PLPPR5: variants seen among roughly 807,000 people sequenced by gnomAD.
The protein encoded by PLPPR5 is phospholipid phosphatase-related protein type 5.
In PLPPR5, 16 loss-of-function variants were observed where a neutral mutation model predicts 33.9. The observed-to-expected ratio is 0.47, with a 90% CI of 0.32 to 0.72. The LOEUF (loss-of-function observed/expected upper bound fraction) is 0.72. Among genes scored for constraint, PLPPR5 ranks in the 30% least tolerant of loss-of-function variants. The pLI, the probability that PLPPR5 is intolerant of heterozygous loss-of-function variation, is 0.03. For missense variants in PLPPR5, 301 were observed against 406.7 expected, an observed-to-expected ratio of 0.74 and a Z score of 2.23; for synonymous variants, 163 against 150.3, an observed-to-expected ratio of 1.08 and a Z score of -0.62.
At position 98,891,891 on chromosome 1, in the gene PLPPR5, G is replaced by A. The variant is rs1648289779; in HGVS notation, c.*1181C>T. 1 of 151,998 alleles carries A rather than the reference G, an allele frequency of 6.6e-6. No individual in the cohort carries two copies. Among genetic ancestry groups the A allele is most frequent in the Non-Finnish European group, 1.5e-5 (1 of 68,000 alleles). 9.4% of individuals were successfully genotyped at this position (151,998 alleles called of 1,614,324 possible). On this transcript the variant is annotated 3_prime_UTR_variant, in exon 6 of 6. Transcript: ENST00000263177. ...TGTGCTATATTAGAAAGGAATATGA[G>A]TTCAGGGCCAGAAAACTTGAATTTA...
rs780823599 is a variant in PLPPR5, at chr1:98,956,669, T to C, written c.310A>G (p.Ile104Val). The C allele has an allele frequency of 6.2e-6, 10 of 1,602,476 alleles. No homozygotes were observed. The highest frequency in any genetic ancestry group is 5.7e-5 in the South Asian group (5 of 88,366). The change falls in exon 2 of 6, where the codon ATT becomes GTT. Residue 104 changes from isoleucine (I) to valine (V), a missense_variant. Ile to Val is a conservative substitution (Grantham distance 29). Coordinates refer to ENST00000263177, the MANE Select transcript of PLPPR5 (RefSeq NM_001037317.2). Reference sequence around the variant, plus strand: ...ATATAGCAACAGTCTCCAGTTAAAATAGTTTTTTCCTGGTTTTCAAAATCC... The same window carrying C: ...ATATAGCAACAGTCTCCAGTTAAAACAGTTTTTTCCTGGTTTTCAAAATCC... The part of the protein sequence containing the change: ...TRDFENQEKT[I>V]LTGDCCYINP...
intron 1 of PLPPR5, among the ~76,000 whole-genome samples, chr1:98,965,845 C>G (rs1480523711): frequency 6.6e-6 from 1 of 152,108 alleles, no homozygotes; most frequent in African/African-American, 2.4e-5. Flanking sequence ...ACAAGAAAAC[C>G]ATTTCAGATG....
chr1:98,971,400 AG>A (rs1222004560), intron 1 of PLPPR5, among the ~76,000 whole-genome samples: 5 of 152,020 alleles, frequency 3.3e-5, no homozygotes, highest in Non-Finnish European at 5.9e-5. Context: ...ATAAATGTTA[AG>A]GAAAAAAAAA....
Position 98,890,392 on chromosome 1 carries a change from G to C in PLPPR5, c.*2680C>G, listed in dbSNP as rs1269393999. On this transcript the variant is annotated 3_prime_UTR_variant, in exon 6 of 6. Coordinates refer to ENST00000263177, the MANE Select transcript of PLPPR5 (RefSeq NM_001037317.2). The stretch of plus-strand genomic sequence containing the variant: ...GGCTAGGATAGATCCTGAGAAAAGA[G>C]AGGCCCAGTTAGAAGTGGAAAATAC... The C allele has an allele frequency of 6.6e-6, 1 of 152,502 alleles. No individual in the cohort carries two copies. Among genetic ancestry groups the C allele is most frequent in the Non-Finnish European group, 1.5e-5 (1 of 67,992 alleles). 9.4% of individuals were successfully genotyped at this position (152,502 alleles called of 1,614,324 possible).
intron 3 of PLPPR5, among the ~76,000 whole-genome samples, chr1:98,922,749 G>A (rs1322697852): frequency 1.3e-5 from 2 of 152,144 alleles, no homozygotes; most frequent in African/African-American, 2.4e-5. Context: ...ACTTTGGGAG[G>A]CCGAGGCGGG....
At chr1:98,956,564 A>G in intron 2 of PLPPR5, 45 bp downstream of exon 2, 1 of 1,507,284 alleles carries the variant, frequency 6.6e-7, no homozygotes, top group South Asian at 1.3e-5. Flanking sequence ...GCTTACACAT[A>G]GACACTGTTT....
At chr1:98,914,751 A>T in intron 5 of PLPPR5, 35 bp downstream of exon 5, 2 of 1,566,440 alleles carry the variant, frequency 1.3e-6, no homozygotes, top group African/African-American at 1.4e-5. Context: ...CATTTGCTCT[A>T]GTTATTATAA....
intron 1 of PLPPR5, among the ~76,000 whole-genome samples, chr1:98,984,245 G>C (rs1265062128): frequency 6.6e-6 from 1 of 152,018 alleles, no homozygotes; most frequent in Non-Finnish European, 1.5e-5. Context: ...TATGCAATGA[G>C]ATACCCTGCC....
At chr1:98,923,249 G>A (rs926210433) in intron 3 of PLPPR5, among the ~76,000 whole-genome samples, 3 of 152,088 alleles carry the variant, frequency 2.0e-5, no homozygotes, top group African/African-American at 7.2e-5. Context: ...TTTGTTGACT[G>A]TATTCAATTA....
At chr1:98,915,967 T>G (rs1458193219) in intron 4 of PLPPR5, among the ~76,000 whole-genome samples, 1 of 152,230 alleles carries the variant, frequency 6.6e-6, no homozygotes, top group Non-Finnish European at 1.5e-5. Context: ...CATATTCTAT[T>G]ACAAATCAAA....
intron 1 of PLPPR5, among the ~76,000 whole-genome samples, chr1:99,000,725 G>GTATATACAGATGCATGGATATGCA (rs1652808164): frequency 2.0e-5 from 3 of 152,076 alleles, no homozygotes; most frequent in Admixed American, 6.5e-5. Flanking sequence ...GGTCTTTGTG[G>GTATATACAGATGCATGGATATGCA]TATATACAGA....
At chr1:98,985,447 T>C (rs1652222298) in intron 1 of PLPPR5, among the ~76,000 whole-genome samples, 1 of 152,080 alleles carries the variant, frequency 6.6e-6, no homozygotes, top group Admixed American at 6.6e-5. Flanking sequence ...TATACCATCA[T>C]AACATTGTAG....
At chr1:98,920,029 T>C (rs1469201359) in intron 4 of PLPPR5, among the ~76,000 whole-genome samples, 1 of 152,140 alleles carries the variant, frequency 6.6e-6, no homozygotes, top group African/African-American at 2.4e-5. Context: ...CATATAATCC[T>C]TTCATGAAGT....
At chr1:98,908,801 T>C (rs1386162631) in intron 5 of PLPPR5, among the ~76,000 whole-genome samples, 2 of 152,158 alleles carry the variant, frequency 1.3e-5, no homozygotes, top group African/African-American at 2.4e-5. Flanking sequence ...AAGATTTCCA[T>C]GCACAATTTG....
At chr1:98,934,036 G>A (rs1650086225) in intron 3 of PLPPR5, among the ~76,000 whole-genome samples, 1 of 152,214 alleles carries the variant, frequency 6.6e-6, no homozygotes, top group South Asian at 2.1e-4. Context: ...AGGGGAGGAA[G>A]ACAACACAGG....
At chr1:98,982,507 CT>C (rs1320912223) in intron 1 of PLPPR5, among the ~76,000 whole-genome samples, 1 of 152,068 alleles carries the variant, frequency 6.6e-6, no homozygotes, top group East Asian at 1.9e-4. Flanking sequence ...CAGAAAGTAG[CT>C]TTGAAACAAC....
At chr1:98,995,795 T>C (rs930420634) in intron 1 of PLPPR5, among the ~76,000 whole-genome samples, 1 of 152,140 alleles carries the variant, frequency 6.6e-6, no homozygotes, top group Non-Finnish European at 1.5e-5. Context: ...GCTTAATAAG[T>C]TGTTATTAAA....
At chr1:98,932,450 T>C (rs1211450901) in intron 3 of PLPPR5, among the ~76,000 whole-genome samples, 3 of 152,222 alleles carry the variant, frequency 2.0e-5, no homozygotes, top group African/African-American at 7.2e-5. Flanking sequence ...ATGAACGTAC[T>C]GCTTTGGAGA....
chr1:98,931,815 C>T (rs1394375642), intron 3 of PLPPR5, among the ~76,000 whole-genome samples: 1 of 152,020 alleles, frequency 6.6e-6, no homozygotes, highest in African/African-American at 2.4e-5. Flanking sequence ...AATGGGAGGC[C>T]ATAAAGGGGA....
Sources: gnomAD v4.1 joint callset for allele counts (sites outside exome capture counted in the v4.1 genomes callset) on GRCh38, gnomAD v4.1.1 for gene constraint, MANE v1.5 for transcripts, NCBI Gene and HGNC (gene_info 2026-07-23, HGNC 2026-07-21) for gene names.